Variants in FOXP1 observed in about 807,000 individuals in gnomAD.
FOXP1 encodes forkhead box P1.
Under a neutral mutation model 98.2 loss-of-function variants are expected in FOXP1, and 15 were observed. The ratio of observed to expected loss-of-function variants is 0.15; its 90% CI spans 0.10 to 0.24. The LOEUF is 0.24. FOXP1 is among the 10% of genes least tolerant of loss of function. FOXP1 has a pLI of 1.00. For missense variants in FOXP1, 633 were observed against 848.5 expected, an observed-to-expected ratio of 0.75 and a Z score of 3.15; for synonymous variants, 371 against 314.5, an observed-to-expected ratio of 1.18 and a Z score of -1.90.
At chr3:71,315,739 T>A (rs928359569) in intron 4 of FOXP1, among the ~76,000 whole-genome samples, 3 of 151,968 alleles carry the variant, frequency 2.0e-5, no homozygotes, top group Non-Finnish European at 4.4e-5. Flanking sequence ...CCTGGGAACA[T>A]CAGTCATGTT....
chr3:71,495,341 T>A (rs959105846), intron 2 of FOXP1, among the ~76,000 whole-genome samples: 1 of 152,376 alleles, frequency 6.6e-6, no homozygotes, highest in Admixed American at 6.5e-5. Context: ...ACTTCAGAGC[T>A]TTCGCCCTGA....
chr3:71,033,715 G>A (rs2047195220), intron 11 of FOXP1, among the ~76,000 whole-genome samples: 1 of 151,842 alleles, frequency 6.6e-6, no homozygotes, highest in South Asian at 2.1e-4. Flanking sequence ...GACAGGCGGT[G>A]ATACGGCACC....
chr3:71,069,958 C>T (rs2053017876), intron 7 of FOXP1, among the ~76,000 whole-genome samples: 2 of 152,150 alleles, frequency 1.3e-5, no homozygotes, highest in South Asian at 2.1e-4. Flanking sequence ...CAGAACAATG[C>T]TCACACATCT....
intron 6 of FOXP1, among the ~76,000 whole-genome samples, chr3:71,182,549 C>CT (rs369563965): frequency 0.26 from 29,699 of 112,692 alleles, 4,173 homozygotes; most frequent in Middle Eastern, 0.34. Flanking sequence ...TGTATATATT[C>CT]TTTTTTTTTT....
chr3:71,539,201 T>C (rs2044577642), intron 2 of FOXP1, among the ~76,000 whole-genome samples: 1 of 150,294 alleles, frequency 6.7e-6, no homozygotes, highest in African/African-American at 2.5e-5. Flanking sequence ...AAGCTCCGCC[T>C]CCCGGGTTCA....
chr3:70,971,994 C>T, intron 18 of FOXP1: 1 of 1,350,066 alleles, frequency 7.4e-7, no homozygotes, highest in Non-Finnish European at 9.5e-7. Context: ...AAAACAAAAG[C>T]AAGTAAAGGC....
intron 2 of FOXP1, 122 bp from the exon 3 acceptor site, chr3:71,493,677 G>C (rs544430466): frequency 6.6e-6 from 1 of 152,320 alleles, no homozygotes; most frequent in East Asian, 1.9e-4. Flanking sequence ...GTTCAAGCCA[G>C]GGTATGTCAA....
At chr3:71,366,007 TC>T (rs957561937) in intron 3 of FOXP1, among the ~76,000 whole-genome samples, 1 of 152,074 alleles carries the variant, frequency 6.6e-6, no homozygotes, top group African/African-American at 2.4e-5. Flanking sequence ...AACAAGATGT[TC>T]CTTCTTAACC....
At chr3:71,545,725 A>G (rs2045304622) in intron 2 of FOXP1, among the ~76,000 whole-genome samples, 1 of 152,246 alleles carries the variant, frequency 6.6e-6, no homozygotes. Flanking sequence ...CAAAAGTAAA[A>G]GTCTGAAGAA....
intron 3 of FOXP1, among the ~76,000 whole-genome samples, chr3:71,405,966 G>A (rs1411075818): frequency 6.6e-6 from 1 of 151,960 alleles, no homozygotes; most frequent in Non-Finnish European, 1.5e-5. Context: ...CTGACCTCAG[G>A]TAATCCACCT....
chr3:71,555,836 A>G (rs2046087237), intron 2 of FOXP1, among the ~76,000 whole-genome samples: 1 of 152,192 alleles, frequency 6.6e-6, no homozygotes, highest in Non-Finnish European at 1.5e-5. Flanking sequence ...TTAATAATCA[A>G]ATCAAACTCT....
At chr3:71,324,796 T>C (rs1054197679) in intron 4 of FOXP1, among the ~76,000 whole-genome samples, 1 of 151,706 alleles carries the variant, frequency 6.6e-6, no homozygotes, top group Non-Finnish European at 1.5e-5. Context: ...ATAAATACAT[T>C]AGTGTAAATT....
chr3:71,528,478 T>C (rs1274780742), intron 2 of FOXP1, among the ~76,000 whole-genome samples: 2 of 152,166 alleles, frequency 1.3e-5, no homozygotes, highest in Non-Finnish European at 2.9e-5. Flanking sequence ...AAAGAAATAA[T>C]AAATAATGTT....
At chr3:71,448,740 T>C (rs1420996985) in intron 3 of FOXP1, among the ~76,000 whole-genome samples, 5 of 152,246 alleles carry the variant, frequency 3.3e-5, no homozygotes, top group Admixed American at 3.3e-4. Flanking sequence ...GCTGCTTTAC[T>C]GTCCCCAGCT....
At chr3:71,324,581 A>G (rs2075573746) in intron 4 of FOXP1, among the ~76,000 whole-genome samples, 1 of 151,822 alleles carries the variant, frequency 6.6e-6, no homozygotes, top group African/African-American at 2.4e-5. Context: ...ACACTTGGAC[A>G]CAGGGTGGGG....
chr3:71,265,345 C>T lies in FOXP1; in HGVS notation c.-12+34475G>A, dbSNP rs2069536066. Among the ~76,000 whole-genome samples the T allele has an allele frequency of 3.3e-5, 5 of 152,092 alleles. 1 individual carries two copies. The highest frequency in any genetic ancestry group is 7.4e-5 in the Non-Finnish European group (5 of 68,020). On this transcript the variant is annotated intron_variant, in intron 5 of 20. Transcript: ENST00000649528. Reference sequence around the variant, plus strand: ...AAGAAAAGAGAAGGGATCATTTTGCCCCTGATATCAAAGAAGCCTCAAGAA... The same window carrying T: ...AAGAAAAGAGAAGGGATCATTTTGCTCCTGATATCAAAGAAGCCTCAAGAA...
intron 6 of FOXP1, among the ~76,000 whole-genome samples, chr3:71,137,494 T>C (rs1003207236): frequency 3.3e-5 from 5 of 152,178 alleles, no homozygotes. Flanking sequence ...GAACATTAGA[T>C]GCATGAGGTT....
upstream of FOXP1, chr3:71,583,833 CG>C: frequency 1.0e-6 from 1 of 987,426 alleles, no homozygotes; most frequent in Non-Finnish European, 1.2e-6. Flanking sequence ...GGCAGAGGCG[CG>C]GGCAGCACCG....
At chr3:71,362,719 C>A (rs1468731328) in intron 3 of FOXP1, among the ~76,000 whole-genome samples, 1 of 152,224 alleles carries the variant, frequency 6.6e-6, no homozygotes, top group African/African-American at 2.4e-5. Context: ...ATCTGCCTGC[C>A]TTTGTCTCCC....
Sources: allele counts gnomAD v4.1 joint callset (sites outside exome capture counted in the v4.1 genomes callset), GRCh38; gene constraint gnomAD v4.1.1; transcripts MANE v1.5; gene names NCBI Gene and HGNC (gene_info 2026-07-23, HGNC 2026-07-21).